PITRM1: variants seen among roughly 807,000 people sequenced by gnomAD.
The protein encoded by PITRM1 is pitrilysin metallopeptidase 1, also known as presequence protease, mitochondrial.
PITRM1 carries 100 observed loss-of-function variants against 129.9 expected under a neutral mutation model. The ratio of observed to expected loss-of-function variants is 0.77; its 90% confidence interval spans 0.65 to 0.91. PITRM1 has a LOEUF of 0.91. PITRM1 is among the 40% of genes least tolerant of loss of function. The probability of loss-of-function intolerance (pLI) is 0.00; values close to 1 mark genes in which losing one functional copy is unlikely to be tolerated. For synonymous variants in PITRM1, 591 were observed against 508.8 expected (o/e 1.16, Z -2.17); for missense variants, 1,471 against 1,318.3 (o/e 1.12, Z -1.79).
Position 3,147,269 on chromosome 10 carries a change from G to A in PITRM1, c.2236-19C>T, listed in dbSNP as rs373118686. 1.2e-5 allele frequency: 19 copies of A among 1,559,358 alleles called. No individual in the cohort carries two copies. Among genetic ancestry groups the A allele is most frequent in the African/African-American group, 8.1e-5 (6 of 73,788 alleles). On this transcript the variant is annotated intron_variant, in intron 19 of 26. Coordinates refer to ENST00000224949, the MANE Select transcript of PITRM1 (RefSeq NM_014889.4). ...GCCGCACCTAAGCCAGAGGAAACTC[G>A]CTCAGAGAGAGGCAGAGGCTACAAC...
intron 23 of PITRM1, among the ~76,000 whole-genome samples, chr10:3,141,022 G>C (rs1350133009): frequency 6.6e-6 from 1 of 152,182 alleles, no homozygotes; most frequent in Non-Finnish European, 1.5e-5. Flanking sequence ...GCTCACTGCA[G>C]CTTTGAACTC....
chr10:3,148,530 G>T, intron 16 of PITRM1: 2 of 481,766 alleles, frequency 4.2e-6, no homozygotes, highest in Non-Finnish European at 7.3e-6. Flanking sequence ...GCGTCCAGAG[G>T]CACAAGACAC....
chr10:3,166,375 T>TGCACGATAGGGAAGAGAGAGGAATG lies in PITRM1; in HGVS notation c.271_272insCATTCCTCTCTCTTCCCTATCGTGC (p.Gln91ProfsTer25). The TGCACGATAGGGAAGAGAGAGGAATG allele has an allele frequency of 7.1e-7, 1 of 1,413,944 alleles. No homozygotes were observed. Among genetic ancestry groups the TGCACGATAGGGAAGAGAGAGGAATG allele is most frequent in the Admixed American group, 1.8e-5 (1 of 56,080 alleles). The allele number at this position is 1,413,944 out of a possible 1,614,324, so 87.6% of individuals were successfully genotyped here. A position where few individuals can be genotyped will look rare whatever the true frequency, so the allele number is the denominator to read the frequency against. ...ACTGTCCATGGGAGTAGTACGGAAC[T>TGCACGATAGGGAAGAGAGAGGAATG]GCACGCTAGGGAAGGAGAATGACCA... On this transcript the variant is annotated frameshift_variant, in exon 4 of 27. Transcript: ENST00000224949. LOFTEE classifies it high-confidence loss of function.
rs139898441 is a variant in PITRM1 at position 3,138,405 on chromosome 10, T to C, written c.2918-68A>G. On this transcript the variant is annotated intron_variant, in intron 25 of 26. Transcript: ENST00000224949. ...GCTCGCGTTGTGGGCTGTGCACTCA[T>C]GTCCCGGAGGGGACACAGGCATCTC... is the stretch of plus-strand genomic sequence containing the variant. 88 of 1,028,958 alleles carry C rather than the reference T, an allele frequency of 8.6e-5. No individual in the cohort carries two copies. The African/African-American group carries it at 1.2e-3, about 14-fold the overall frequency. The allele number at this position is 1,028,958 out of a possible 1,614,324, so 63.7% of individuals were successfully genotyped here.
Position 3,159,913 on chromosome 10 carries a change from G to A in PITRM1, c.942C>T (p.Gly314=). The change falls in exon 9 of 27, where the codon GGC becomes GGT. Residue 314 remains glycine, a synonymous_variant. Transcript: ENST00000224949. ...DKPREFQITC[G]PDSFATDPSK... is the part of the protein sequence containing the mutation. ...AGGGATCTGTAGCAAATGAATCCGGGCCACATGTTATCTGGAATTCCCTCT... is the reference window on the plus strand; with the variant it reads ...AGGGATCTGTAGCAAATGAATCCGGACCACATGTTATCTGGAATTCCCTCT... 1 of 1,602,542 alleles carries A rather than the reference G, an allele frequency of 6.2e-7. No homozygotes were observed. The highest frequency in any genetic ancestry group is 8.5e-7 in the Non-Finnish European group (1 of 1,173,538).
At chr10:3,151,079 T>G in intron 15 of PITRM1, 168 bp downstream of exon 15, 6 of 545,564 alleles carry the variant, frequency 1.1e-5, no homozygotes, top group Non-Finnish European at 2.0e-5. Context: ...CCACCGAGAG[T>G]TAAGAACAAG....
At chr10:3,171,281 G>C (rs1843332992) in intron 1 of PITRM1, among the ~76,000 whole-genome samples, 1 of 147,720 alleles carries the variant, frequency 6.8e-6, no homozygotes, top group Non-Finnish European at 1.5e-5. Flanking sequence ...ATCCTAAACA[G>C]GTATTATTCA....
chr10:3,147,789 T>C, intron 18 of PITRM1, 52 bp from the exon 19 acceptor site: 2 of 1,481,756 alleles, frequency 1.3e-6, no homozygotes, highest in South Asian at 1.3e-5. Flanking sequence ...CTCACGTCCC[T>C]TCAGTATCAT....
Position 3,147,212 on chromosome 10 carries a change from G to A in PITRM1, c.2274C>T (p.Ile758=), listed in dbSNP as rs1478817713. Residue 758 remains isoleucine (I), a synonymous_variant, in exon 20 of 27, where the codon ATC becomes ATT. Coordinates refer to ENST00000224949, the MANE Select transcript of PITRM1 (RefSeq NM_014889.4). ...GCGGGAGCTTCCTCAGGATGGGTTT[G>A]ATATCTGTCATTTCTGCAATCCTCT... ...LMKRIAEMTD[I]KPILRKLPRI... is the part of the protein sequence containing the mutation. 1 of 1,612,902 alleles carries A rather than the reference G, an allele frequency of 6.2e-7. No homozygotes were observed. The highest frequency in any genetic ancestry group is 1.1e-5 in the South Asian group (1 of 91,042).
chr10:3,139,853 C>T (rs1466044945), intron 24 of PITRM1, among the ~76,000 whole-genome samples: 3 of 152,244 alleles, frequency 2.0e-5, no homozygotes, highest in Non-Finnish European at 4.4e-5. Context: ...TGTTGGAATA[C>T]ATGTTCTCTT....
intron 14 of PITRM1, 41 bp downstream of exon 14, chr10:3,155,550 T>C (rs977711115): frequency 5.0e-6 from 8 of 1,610,506 alleles, no homozygotes; most frequent in Middle Eastern, 1.7e-4. Context: ...TAGGCCCGAG[T>C]GCAGGTTAGG....
At chr10:3,161,451 G>A (rs1055581841) in intron 7 of PITRM1, among the ~76,000 whole-genome samples, 1 of 152,186 alleles carries the variant, frequency 6.6e-6, no homozygotes, top group East Asian at 1.9e-4. Context: ...TAAGGTTTGG[G>A]AAACTAGTAT....
At chr10:3,166,185 C>G in intron 4 of PITRM1, 44 bp downstream of exon 4, 1 of 1,500,748 alleles carries the variant, frequency 6.7e-7, no homozygotes, top group Non-Finnish European at 8.9e-7. Context: ...GTGGGTGTGC[C>G]TGGCAAACCC....
Position 3,170,205 on chromosome 10 carries a change from G to A in PITRM1, c.58C>T (p.His20Tyr). ...CATCGCCACGCTCTGTGGTGTGCAT[G>A]TCTAGATTAAAAGTCATCTAAGTTA... is the stretch of plus-strand genomic sequence containing the variant. The part of the protein sequence containing the change: ...LCVLRRLSGG[H>Y]AHHRAWRWNS... The change falls in exon 2 of 27, where the codon CAT becomes TAT. Residue 20 changes from histidine to tyrosine, a missense_variant and splice_region_variant. By Grantham distance (83) the His-to-Tyr change is moderately conservative (BLOSUM62 2). Transcript: ENST00000224949. The A allele has an allele frequency of 1.2e-6, 2 of 1,612,446 alleles. No individual in the cohort carries two copies. The highest frequency in any genetic ancestry group is 1.7e-6 in the Non-Finnish European group (2 of 1,178,568).
At chr10:3,151,962 G>A (rs181700039) in intron 14 of PITRM1, among the ~76,000 whole-genome samples, 64 of 152,060 alleles carry the variant, frequency 4.2e-4, no homozygotes, top group African/African-American at 1.4e-3. Flanking sequence ...TGCCCAGGCT[G>A]TCTCAAACTC....
intron 2 of PITRM1, among the ~76,000 whole-genome samples, chr10:3,168,484 T>C (rs1225698753): frequency 2.0e-5 from 3 of 147,234 alleles, no homozygotes; most frequent in South Asian, 4.2e-4. Flanking sequence ...CAAGGTGATA[T>C]GGTTTGGCTG....
Position 3,165,530 on chromosome 10 carries a change from G to A in PITRM1, c.419-3C>T. ...TGGATACAGAGTATAATCACTAGCT[G>A]GGTACAAATGAAAAGTGAAATTGTA... On this transcript the variant is annotated splice_region_variant and splice_polypyrimidine_tract_variant and intron_variant, in intron 4 of 26. Coordinates refer to ENST00000224949, the MANE Select transcript of PITRM1 (RefSeq NM_014889.4). 6.7e-7 allele frequency: 1 copy of A among 1,482,834 alleles called. No individual in the cohort carries two copies. The highest frequency in any genetic ancestry group is 1.7e-5 in the Admixed American group (1 of 57,956). The allele number at this position is 1,482,834 out of a possible 1,614,324, so 91.9% of individuals were successfully genotyped here.
intron 9 of PITRM1, 28 bp downstream of exon 9, chr10:3,159,820 T>C: frequency 2.2e-6 from 3 of 1,350,670 alleles, no homozygotes; most frequent in East Asian, 4.7e-5. Flanking sequence ...GTTTTTGTCT[T>C]GTATGAGCTT....
chr10:3,166,863 G>C (rs1223228372), intron 3 of PITRM1, 73 bp downstream of exon 3: 5 of 869,274 alleles, frequency 5.8e-6, no homozygotes, highest in Non-Finnish European at 9.0e-6. Flanking sequence ...GTGGCACAGG[G>C]AAGCCAAAAG....
Sources: allele counts gnomAD v4.1 joint callset (sites outside exome capture counted in the v4.1 genomes callset), GRCh38; gene constraint gnomAD v4.1.1; transcripts MANE v1.5; gene names NCBI Gene and HGNC (gene_info 2026-07-23, HGNC 2026-07-21).